Variants in GRK4 observed in about 807,000 individuals in gnomAD.
GRK4 encodes the protein G protein-coupled receptor kinase 4.
A neutral mutation model predicts 77.9 loss-of-function variants in GRK4; 73 were observed. The ratio of observed to expected loss-of-function variants is 0.94; its 90% CI spans 0.78 to 1.14. The LOEUF is 1.14. Ranked by LOEUF, GRK4 falls within the 50% of genes most tolerant of loss-of-function variation. GRK4 has a pLI of 0.00. For synonymous variants in GRK4, 257 were observed against 254.4 expected (o/e 1.01, Z -0.10); for missense variants, 729 against 700.2 (o/e 1.04, Z -0.46).
intron 13 of GRK4, among the ~76,000 whole-genome samples, chr4:3,036,554 G>A (rs1014389918): frequency 5.3e-5 from 8 of 152,230 alleles, no homozygotes; most frequent in African/African-American, 1.7e-4. Flanking sequence ...GCCGACTTCC[G>A]TGCTTTTTGT....
At chr4:2,971,439 G>C (rs1400642573) in intron 1 of GRK4, among the ~76,000 whole-genome samples, 1 of 152,172 alleles carries the variant, frequency 6.6e-6, no homozygotes, top group Non-Finnish European at 1.5e-5. Flanking sequence ...TTTGCATAAT[G>C]TTGTGGCCTA....
intron 1 of GRK4, among the ~76,000 whole-genome samples, chr4:2,965,069 T>G (rs765466856): frequency 5.3e-5 from 8 of 152,354 alleles, no homozygotes; most frequent in Non-Finnish European, 7.3e-5. Flanking sequence ...ATGCTATAGA[T>G]TATGTGACCT....
intron 3 of GRK4, among the ~76,000 whole-genome samples, chr4:2,990,894 T>C (rs745926305): frequency 6.6e-6 from 1 of 152,210 alleles, no homozygotes; most frequent in Non-Finnish European, 1.5e-5. Context: ...TCACACTTAC[T>C]GCTTTGACTA....
chr4:3,037,075 G>GTGTA (rs1560512470), intron 13 of GRK4, among the ~76,000 whole-genome samples: 1 of 108,646 alleles, frequency 9.2e-6, no homozygotes, highest in African/African-American at 4.7e-5. Flanking sequence ...GTGTGTATGT[G>GTGTA]TGTGTGTATG....
At position 3,037,424 on chromosome 4, in the gene GRK4, G is replaced by T; in HGVS notation, c.1458G>T (p.Val486=). ...TCCTGGATATCGAGCAGTTCTCGGT[G>T]GTGAAAGGGATCTACCTGGACACCG... The part of the protein sequence containing the change: ...KDVLDIEQFS[V]VKGIYLDTAD... Residue 486 remains valine (V), a synonymous_variant, in exon 14 of 16, where the codon GTG becomes GTT. Coordinates refer to ENST00000398052, the MANE Select transcript of GRK4 (RefSeq NM_182982.3). 4 of 1,611,660 alleles carry T rather than the reference G, an allele frequency of 2.5e-6. No individual in the cohort carries two copies. Among genetic ancestry groups the T allele is most frequent in the Non-Finnish European group, 3.4e-6 (4 of 1,178,026 alleles).
chr4:3,002,440 C>T (rs13109886), intron 4 of GRK4, among the ~76,000 whole-genome samples: 10,558 of 152,178 alleles, frequency 0.069, 395 homozygotes, highest in African/African-American at 0.096. Flanking sequence ...ACTGTCTCTA[C>T]AAACAATACA....
Position 3,014,784 on chromosome 4 carries a change from G to A in GRK4, c.741+956G>A, listed in dbSNP as rs183942686. ...CGCACTCCAGCCTGGGCAACAGAGCGAGACTCCGTTTCAAAAAAAAGAGAG... is the reference window on the plus strand; with the variant it reads ...CGCACTCCAGCCTGGGCAACAGAGCAAGACTCCGTTTCAAAAAAAAGAGAG... On this transcript the variant is annotated intron_variant, in intron 8 of 15. Transcript: ENST00000398052. Among the ~76,000 whole-genome samples the A allele has an allele frequency of 2.9e-3, 448 of 152,052 alleles. 5 individuals are homozygous for A. Among genetic ancestry groups the A allele is most frequent in the Non-Finnish European group, 5.0e-3 (342 of 67,966 alleles).
chr4:3,023,733 C>T (rs953736111), intron 10 of GRK4, among the ~76,000 whole-genome samples: 6 of 152,154 alleles, frequency 3.9e-5, no homozygotes, highest in African/African-American at 1.4e-4. Context: ...CGAAGCTGCT[C>T]ACTTACTGAG....
chr4:3,033,231 G>C (rs2857840), intron 12 of GRK4, among the ~76,000 whole-genome samples: 80,050 of 151,984 alleles, frequency 0.53, 21,192 homozygotes, highest in South Asian at 0.71. Flanking sequence ...TTAAAAGAAA[G>C]AAAGAAAGAA....
chr4:2,978,226 T>TC (rs1207383019), intron 1 of GRK4, among the ~76,000 whole-genome samples: 10 of 152,238 alleles, frequency 6.6e-5, no homozygotes, highest in African/African-American at 2.4e-4. Flanking sequence ...TGTAGAAGGT[T>TC]CTTGGTTATC....
At chr4:2,964,144 C>G (rs1412105214) in intron 1 of GRK4, 22 bp downstream of exon 1, 1 of 1,563,800 alleles carries the variant, frequency 6.4e-7, no homozygotes, top group South Asian at 1.2e-5. Flanking sequence ...GCAGGCGCCC[C>G]CGACCCCCCC....
At chr4:3,037,532 C>A (rs1391123780) in intron 14 of GRK4, 21 bp downstream of exon 14, 2 of 1,587,602 alleles carry the variant, frequency 1.3e-6, no homozygotes, top group East Asian at 4.5e-5. Flanking sequence ...TCCAGCACAG[C>A]CGCTTTACGT....
At chr4:3,005,628 C>T (rs1276751449) in intron 5 of GRK4, among the ~76,000 whole-genome samples, 1 of 151,948 alleles carries the variant, frequency 6.6e-6, no homozygotes, top group Admixed American at 6.6e-5. Context: ...CATAGAGAAA[C>T]CCCATCTCTC....
At chr4:3,022,585 T>TTAAAA in intron 10 of GRK4, 134 bp downstream of exon 10, 1 of 764,656 alleles carries the variant, frequency 1.3e-6, no homozygotes. Context: ...AACTCTGTGG[T>TTAAAA]ATGTGTTCAT....
chr4:3,037,044 GGTGT>G (rs1271637092), intron 13 of GRK4, among the ~76,000 whole-genome samples: 83 of 144,364 alleles, frequency 5.7e-4, no homozygotes, highest in African/African-American at 1.5e-3. Flanking sequence ...CCTCAGGAGG[GGTGT>G]GTGTGTGTGT....
intron 7 of GRK4, among the ~76,000 whole-genome samples, chr4:3,011,077 A>G (rs1007924626): frequency 6.6e-6 from 1 of 152,130 alleles, no homozygotes; most frequent in Admixed American, 6.5e-5. Flanking sequence ...CAGGAAAGTC[A>G]TTTTCTTACT....
chr4:2,992,264 C>A lies in GRK4; in HGVS notation c.311C>A (p.Ser104Ter), dbSNP rs199564470. The A allele has an allele frequency of 1.9e-6, 3 of 1,607,650 alleles. No homozygotes were observed. The highest frequency in any genetic ancestry group is 2.2e-5 in the East Asian group (1 of 44,834). Residue 104 changes from serine (S) to a stop codon, truncating the protein, a stop_gained, in exon 4 of 16, where the codon TCA becomes TAA. Transcript: ENST00000398052. LOFTEE classifies it high-confidence loss of function. ...GAGGACCGAAGTGATTGTGGACTGTCAATCTTAGATAGATTCTTCAATGAT... is the reference window on the plus strand; with the variant it reads ...GAGGACCGAAGTGATTGTGGACTGTAAATCTTAGATAGATTCTTCAATGAT... ...DDEDRSDCGL[S>*]ILDRFFNDKL...
At chr4:2,995,462 A>G (rs1727541178) in intron 4 of GRK4, among the ~76,000 whole-genome samples, 1 of 146,156 alleles carries the variant, frequency 6.8e-6, no homozygotes, top group Non-Finnish European at 1.5e-5. Context: ...TGAGGTTAGG[A>G]GTTCGAGACC....
intron 8 of GRK4, among the ~76,000 whole-genome samples, chr4:3,019,025 G>T (rs890148393): frequency 1.3e-5 from 2 of 151,936 alleles, no homozygotes; most frequent in African/African-American, 4.8e-5. Context: ...TCCCAGCAGG[G>T]TGTGTGTGTA....
Sources: allele counts gnomAD v4.1 joint callset (sites outside exome capture counted in the v4.1 genomes callset), GRCh38; gene constraint gnomAD v4.1.1; transcripts MANE v1.5; gene names NCBI Gene and HGNC (gene_info 2026-07-23, HGNC 2026-07-21).